Variants in GRIP1 observed in about 807,000 individuals in gnomAD.
GRIP1 encodes glutamate receptor-interacting protein 1.
GRIP1 carries 45 observed loss-of-function variants against 129.9 expected under a neutral mutation model. That is an observed-to-expected ratio of 0.35 (90% confidence interval 0.27 to 0.44). The LOEUF is 0.44. Among genes scored for constraint, GRIP1 ranks in the 20% least tolerant of loss-of-function variants. GRIP1 has a pLI of 1.00. For synonymous variants in GRIP1, 530 were observed against 520.8 expected, an observed-to-expected ratio of 1.02 and a Z score of -0.24; for missense variants, 1,196 against 1,396.8, an observed-to-expected ratio of 0.86 and a Z score of 2.29.
chr12:66,800,705 CAT>C (rs2038832892), intron 1 of GRIP1, among the ~76,000 whole-genome samples: 1 of 151,954 alleles, frequency 6.6e-6, no homozygotes, highest in Non-Finnish European at 1.5e-5. Context: ...AAACACCAAA[CAT>C]AAAAAAATGG....
chr12:66,580,023 C>G (rs1323457157), intron 2 of GRIP1, among the ~76,000 whole-genome samples: 9 of 148,456 alleles, frequency 6.1e-5, no homozygotes, highest in South Asian at 4.4e-4. Context: ...TCGGGTTACC[C>G]ACAAAGGGAA....
chr12:66,908,097 A>T (rs2040965005), intron 1 of GRIP1, among the ~76,000 whole-genome samples: 1 of 152,150 alleles, frequency 6.6e-6, no homozygotes, highest in Non-Finnish European at 1.5e-5. Flanking sequence ...ATGACTCCAT[A>T]TTGTTTTTAT....
intron 5 of GRIP1, among the ~76,000 whole-genome samples, chr12:66,518,685 C>A (rs887821823): frequency 8.5e-5 from 13 of 152,198 alleles, no homozygotes; most frequent in African/African-American, 3.1e-4. Context: ...ATGAAATGCA[C>A]GCGTGCTGGC....
At chr12:66,883,396 A>G (rs1007002762) in intron 1 of GRIP1, among the ~76,000 whole-genome samples, 4 of 152,204 alleles carry the variant, frequency 2.6e-5, no homozygotes, top group African/African-American at 9.7e-5. Context: ...CATGGTGCTC[A>G]ATAAATCTAT....
At chr12:66,945,937 C>T (rs1225156741) in intron 1 of GRIP1, among the ~76,000 whole-genome samples, 13 of 152,206 alleles carry the variant, frequency 8.5e-5, no homozygotes, top group Non-Finnish European at 4.4e-5. Context: ...TAGCTCAACA[C>T]TGAGCAGCTA....
At chr12:66,798,621 G>A (rs1016968538) in intron 1 of GRIP1, among the ~76,000 whole-genome samples, 2 of 152,078 alleles carry the variant, frequency 1.3e-5, no homozygotes, top group East Asian at 3.8e-4. Context: ...ACTGGACTCC[G>A]AAGTCCCTCC....
At chr12:66,531,294 T>C (rs1470967454) in intron 4 of GRIP1, among the ~76,000 whole-genome samples, 1 of 70,872 alleles carries the variant, frequency 1.4e-5, no homozygotes, top group South Asian at 5.9e-4. Flanking sequence ...TATATATATA[T>C]ATATATATAC....
intron 7 of GRIP1, among the ~76,000 whole-genome samples, chr12:66,475,030 T>A (rs1464001021): frequency 6.6e-6 from 1 of 152,150 alleles, no homozygotes; most frequent in Non-Finnish European, 1.5e-5. Context: ...AGACACAGAC[T>A]GGCAAATTGG....
chr12:66,612,303 A>G (rs908576809), intron 1 of GRIP1, among the ~76,000 whole-genome samples: 13 of 152,242 alleles, frequency 8.5e-5, no homozygotes, highest in Admixed American at 8.5e-4. Context: ...CTAGGCTATA[A>G]ACCTATACAG....
At chr12:66,571,880 G>A (rs951129742) in intron 2 of GRIP1, among the ~76,000 whole-genome samples, 1 of 152,214 alleles carries the variant, frequency 6.6e-6, no homozygotes, top group African/African-American at 2.4e-5. Flanking sequence ...GTATGGGCAT[G>A]GCAGAGGGTG....
intron 7 of GRIP1, among the ~76,000 whole-genome samples, chr12:66,477,907 C>T (rs1231922197): frequency 5.3e-5 from 8 of 152,090 alleles, no homozygotes; most frequent in Admixed American, 1.3e-4. Flanking sequence ...AAATGTTAGA[C>T]CTAAAACCAT....
At chr12:66,596,479 G>T (rs1271946142) in intron 2 of GRIP1, among the ~76,000 whole-genome samples, 1 of 152,174 alleles carries the variant, frequency 6.6e-6, no homozygotes, top group Non-Finnish European at 1.5e-5. Context: ...ATCTGTTGCG[G>T]CAATTGTGAA....
chr12:66,538,083 TCA>T (rs1179716865), intron 4 of GRIP1, among the ~76,000 whole-genome samples: 1 of 152,218 alleles, frequency 6.6e-6, no homozygotes, highest in East Asian at 1.9e-4. Flanking sequence ...GATGATAATC[TCA>T]CATTGTCTGC....
chr12:66,428,184 A>T (rs1207179179), intron 14 of GRIP1, among the ~76,000 whole-genome samples: 1 of 152,192 alleles, frequency 6.6e-6, no homozygotes, highest in Non-Finnish European at 1.5e-5. Flanking sequence ...ACCACTCATC[A>T]TCACACACAC....
intron 1 of GRIP1, among the ~76,000 whole-genome samples, chr12:66,670,732 G>A (rs1415568319): frequency 6.6e-6 from 1 of 152,192 alleles, no homozygotes; most frequent in Non-Finnish European, 1.5e-5. Context: ...AGAAGTCTAA[G>A]GGAGAGCTCA....
intron 7 of GRIP1, among the ~76,000 whole-genome samples, chr12:66,504,428 T>C (rs1020412242): frequency 6.6e-6 from 1 of 152,212 alleles, no homozygotes; most frequent in African/African-American, 2.4e-5. Flanking sequence ...AGATATGGAC[T>C]GGTTCTTTGG....
intron 2 of GRIP1, among the ~76,000 whole-genome samples, chr12:66,581,696 C>G (rs1275512200): frequency 6.6e-6 from 1 of 152,060 alleles, no homozygotes; most frequent in Non-Finnish European, 1.5e-5. Flanking sequence ...TCTCCCAAGA[C>G]TAAACCAGGA....
At chr12:66,638,820 A>G (rs541943759) in intron 1 of GRIP1, among the ~76,000 whole-genome samples, 22 of 152,152 alleles carry the variant, frequency 1.4e-4, no homozygotes, top group African/African-American at 5.1e-4. Flanking sequence ...CAAAGTGCAT[A>G]TGATATAGTG....
intron 4 of GRIP1, among the ~76,000 whole-genome samples, chr12:66,530,935 C>T (rs1279906998): frequency 6.6e-6 from 1 of 151,704 alleles, no homozygotes; most frequent in Non-Finnish European, 1.5e-5. Flanking sequence ...ATAAAACTAT[C>T]AGCAAAAAGT....
Sources: gnomAD v4.1 joint callset for allele counts (sites outside exome capture counted in the v4.1 genomes callset) on GRCh38, gnomAD v4.1.1 for gene constraint, MANE v1.5 for transcripts, NCBI Gene and HGNC (gene_info 2026-07-23, HGNC 2026-07-21) for gene names.